DOK6: variants seen among roughly 807,000 people sequenced by gnomAD.
DOK6 encodes the protein docking protein 6, also known as downstream of tyrosine kinase 6.
In DOK6, 22 loss-of-function variants were observed where a neutral mutation model predicts 44.0. The ratio of observed to expected loss-of-function variants is 0.50; its 90% confidence interval spans 0.36 to 0.71. The LOEUF (loss-of-function observed/expected upper bound fraction) is 0.71, where lower values mean the gene tolerates loss of function less well. DOK6 is among the 30% of genes least tolerant of loss of function. DOK6 has a pLI of 0.00. For missense variants in DOK6, 340 were observed against 416.4 expected (o/e 0.82, Z 1.60); for synonymous variants, 166 against 145.5 (o/e 1.14, Z -1.01).
chr18:69,806,577 T>A (rs1461056055), intron 7 of DOK6, among the ~76,000 whole-genome samples: 2 of 151,960 alleles, frequency 1.3e-5, no homozygotes, highest in African/African-American at 4.8e-5. Flanking sequence ...CTGTCCTGAC[T>A]AGAAACAAAC....
At chr18:69,764,186 T>C (rs1315792841) in intron 7 of DOK6, among the ~76,000 whole-genome samples, 1 of 152,164 alleles carries the variant, frequency 6.6e-6, no homozygotes, top group Non-Finnish European at 1.5e-5. Flanking sequence ...TCCGTCTCTC[T>C]ACACCTGCTG....
intron 7 of DOK6, among the ~76,000 whole-genome samples, chr18:69,810,517 A>T (rs1270669279): frequency 6.6e-6 from 1 of 152,086 alleles, no homozygotes; most frequent in Non-Finnish European, 1.5e-5. Context: ...AACAATCAAC[A>T]GTGTGGAGAG....
At chr18:69,644,299 G>A (rs1413489953) in intron 3 of DOK6, among the ~76,000 whole-genome samples, 3 of 152,054 alleles carry the variant, frequency 2.0e-5, no homozygotes, top group African/African-American at 7.2e-5. Context: ...CTTTTTATGA[G>A]TCATTCTTTT....
intron 3 of DOK6, among the ~76,000 whole-genome samples, chr18:69,639,189 G>C (rs1015224009): frequency 6.6e-6 from 1 of 152,152 alleles, no homozygotes; most frequent in African/African-American, 2.4e-5. Context: ...AGTGTCCATC[G>C]CTCCAGTGAT....
In DOK6 at chr18:69,673,333, A is replaced by T. The variant is rs186793699; in HGVS notation, c.290-4401A>T. 1.4e-3 allele frequency among the ~76,000 whole-genome samples: 215 copies of T among 152,314 alleles called. 7 individuals are homozygous for T. The highest frequency in any genetic ancestry group is 0.014 in the Admixed American group (210 of 15,292). On this transcript the variant is annotated intron_variant, in intron 3 of 7. Transcript: ENST00000382713. ...CATTATCTTAAGGGCTAAATTTAGT[A>T]AAAGCAATAAAGCTTGAATCTAATT...
Position 69,424,456 on chromosome 18 carries a change from C to T in DOK6, c.66+23146C>T, listed in dbSNP as rs76679460. Among the ~76,000 whole-genome samples, 1,354 of 152,220 alleles carry T rather than the reference C, an allele frequency of 8.9e-3. 17 individuals carry two copies. Among genetic ancestry groups the T allele is most frequent in the African/African-American group, 0.03 (1,226 of 41,530 alleles). The stretch of plus-strand genomic sequence containing the variant: ...TATTGATTAGTTTTCTATGTGACAT[C>T]TTTTCTTAATGGTGTACAAGAATGC... On this transcript the variant is annotated intron_variant, in intron 1 of 7. Coordinates refer to ENST00000382713, the MANE Select transcript of DOK6 (RefSeq NM_152721.6).
At chr18:69,476,045 C>T (rs1007603689) in intron 1 of DOK6, among the ~76,000 whole-genome samples, 1 of 152,142 alleles carries the variant, frequency 6.6e-6, no homozygotes. Context: ...CCTTCCCACC[C>T]CTCTCACCTC....
intron 1 of DOK6, among the ~76,000 whole-genome samples, chr18:69,525,937 A>G (rs1364536570): frequency 6.6e-6 from 1 of 152,038 alleles, no homozygotes; most frequent in Non-Finnish European, 1.5e-5. Flanking sequence ...TGAAACACAC[A>G]CAGTAAAGTT....
At chr18:69,825,174 G>A (rs984793366) in intron 7 of DOK6, among the ~76,000 whole-genome samples, 7 of 152,068 alleles carry the variant, frequency 4.6e-5, no homozygotes, top group Non-Finnish European at 8.8e-5. Flanking sequence ...GAGACAAAAA[G>A]ACTCGAACAA....
rs536453013 is a variant in DOK6 at position 69,426,027 on chromosome 18, C to A, written c.66+24717C>A. Among the ~76,000 whole-genome samples the A allele has an allele frequency of 4.6e-5, 7 of 152,182 alleles. No individual in the cohort carries two copies. In the South Asian group the frequency reaches 1.5e-3, roughly 32 times the overall value. On this transcript the variant is annotated intron_variant, in intron 1 of 7. Coordinates refer to ENST00000382713, the MANE Select transcript of DOK6 (RefSeq NM_152721.6). ...TTTTTACATGTAAGGGATCCATTCA[C>A]CTGGATTGTTATTGGTTGATGAGAG...
intron 2 of DOK6, among the ~76,000 whole-genome samples, chr18:69,597,396 A>G (rs1424160360): frequency 6.6e-6 from 1 of 152,232 alleles, no homozygotes; most frequent in Non-Finnish European, 1.5e-5. Flanking sequence ...TTAACTGATC[A>G]TTATATTACC....
intron 2 of DOK6, among the ~76,000 whole-genome samples, chr18:69,584,387 G>T (rs1983448920): frequency 6.6e-6 from 1 of 152,004 alleles, no homozygotes; most frequent in Non-Finnish European, 1.5e-5. Flanking sequence ...CTGGGTTCAA[G>T]CGATTCCTGA....
chr18:69,429,418 C>A (rs1978733657), intron 1 of DOK6, among the ~76,000 whole-genome samples: 1 of 151,588 alleles, frequency 6.6e-6, no homozygotes, highest in African/African-American at 2.4e-5. Context: ...AAATGATTGG[C>A]TTTTCCTTAT....
At chr18:69,427,431 C>T (rs886372209) in intron 1 of DOK6, among the ~76,000 whole-genome samples, 2 of 152,124 alleles carry the variant, frequency 1.3e-5, no homozygotes, top group African/African-American at 4.8e-5. Context: ...CAATGAAATG[C>T]CATCTGACAC....
At chr18:69,435,078 G>GGAAA (rs1978936925) in intron 1 of DOK6, among the ~76,000 whole-genome samples, 1 of 144,974 alleles carries the variant, frequency 6.9e-6, no homozygotes, top group African/African-American at 2.6e-5. Context: ...AAGGAAGGAA[G>GGAAA]GAAGGAAGGA....
intron 5 of DOK6, among the ~76,000 whole-genome samples, chr18:69,708,734 A>C (rs1288574692): frequency 1.3e-5 from 2 of 149,262 alleles, no homozygotes; most frequent in East Asian, 4.0e-4. Context: ...CAGTGAGCCG[A>C]GATCACGCCA....
intron 6 of DOK6, among the ~76,000 whole-genome samples, chr18:69,740,369 T>C (rs1978761599): frequency 6.6e-6 from 1 of 152,216 alleles, no homozygotes; most frequent in Non-Finnish European, 1.5e-5. Flanking sequence ...TTCAGAGTCA[T>C]GCATATTGAT....
At chr18:69,517,090 A>G (rs1408695782) in intron 1 of DOK6, among the ~76,000 whole-genome samples, 1 of 152,156 alleles carries the variant, frequency 6.6e-6, no homozygotes, top group Non-Finnish European at 1.5e-5. Flanking sequence ...TTTTGAATCT[A>G]TTTCTCACAG....
chr18:69,822,964 G>A (rs1032773933), intron 7 of DOK6, among the ~76,000 whole-genome samples: 6 of 151,994 alleles, frequency 3.9e-5, no homozygotes, highest in East Asian at 1.9e-4. Flanking sequence ...ATTTTATAAA[G>A]GATTGTCATT....
Sources: allele counts gnomAD v4.1 joint callset (sites outside exome capture counted in the v4.1 genomes callset), GRCh38; gene constraint gnomAD v4.1.1; transcripts MANE v1.5; gene names NCBI Gene and HGNC (gene_info 2026-07-23, HGNC 2026-07-21).